GRIA1: variants seen among roughly 807,000 people sequenced by gnomAD.
GRIA1 encodes glutamate receptor 1.
In GRIA1, 31 loss-of-function variants were observed where a neutral mutation model predicts 99.2. That is an observed-to-expected ratio of 0.31 (90% CI 0.23 to 0.42). The LOEUF is 0.42. Ranked by LOEUF, GRIA1 falls within the 10% of genes least tolerant of loss-of-function variation. GRIA1 has a pLI of 1.00. For missense variants in GRIA1, 782 were observed against 1,157.5 expected, an observed-to-expected ratio of 0.68 and a Z score of 4.71; for synonymous variants, 438 against 432.4, an observed-to-expected ratio of 1.01 and a Z score of -0.16.
intron 2 of GRIA1, among the ~76,000 whole-genome samples, chr5:153,562,705 G>C (rs1226459910): frequency 6.6e-6 from 1 of 152,152 alleles, no homozygotes; most frequent in Non-Finnish European, 1.5e-5. Flanking sequence ...GTGAGTGAGT[G>C]AGTGAATGAT....
intron 13 of GRIA1, among the ~76,000 whole-genome samples, chr5:153,775,753 CAAA>C (rs34171571): frequency 4.2e-5 from 5 of 118,528 alleles, no homozygotes; most frequent in Admixed American, 8.7e-5. Flanking sequence ...CAGAAACACT[CAAA>C]AAAAAAAAAA....
chr5:153,606,622 G>A (rs1163136810), intron 2 of GRIA1, among the ~76,000 whole-genome samples: 1 of 151,626 alleles, frequency 6.6e-6, no homozygotes, highest in Non-Finnish European at 1.5e-5. Flanking sequence ...GATTTATTTT[G>A]TAGGTATTCA....
chr5:153,657,979 A>T (rs1236612621), intron 5 of GRIA1, among the ~76,000 whole-genome samples: 1 of 152,112 alleles, frequency 6.6e-6, no homozygotes, highest in Non-Finnish European at 1.5e-5. Context: ...TGACTCCCAG[A>T]TCCTTAGTGC....
chr5:153,674,366 G>C (rs1756414956), intron 5 of GRIA1, 134 bp from the exon 6 acceptor site: 2 of 935,230 alleles, frequency 2.1e-6, no homozygotes, highest in East Asian at 4.8e-5. Flanking sequence ...TCAAAGGAAA[G>C]GAGGCCTAAC....
At chr5:153,689,289 G>A (rs1360240898) in intron 8 of GRIA1, among the ~76,000 whole-genome samples, 1 of 152,148 alleles carries the variant, frequency 6.6e-6, no homozygotes, top group Non-Finnish European at 1.5e-5. Context: ...AAGCAGGCAA[G>A]CCTATTGCTC....
chr5:153,542,933 A>G lies in GRIA1; in HGVS notation c.220+48868A>G, dbSNP rs529448553. Among the ~76,000 whole-genome samples the G allele has an allele frequency of 2.1e-4, 32 of 152,346 alleles. No individual in the cohort carries two copies. In the South Asian group the frequency reaches 6.6e-3, roughly 32 times the overall value. On this transcript the variant is annotated intron_variant, in intron 2 of 15. Transcript: ENST00000285900. ...AAGAACAAGAATGTTATAATCAGAC[A>G]GATATGGGTTGGAACCAGGGTTTGG...
At chr5:153,765,709 A>G (rs1763472582) in intron 12 of GRIA1, among the ~76,000 whole-genome samples, 1 of 152,202 alleles carries the variant, frequency 6.6e-6, no homozygotes, top group Non-Finnish European at 1.5e-5. Context: ...ACTACCATCT[A>G]TGGATCAAAT....
chr5:153,605,859 T>C (rs951652448), intron 2 of GRIA1, among the ~76,000 whole-genome samples: 1 of 152,194 alleles, frequency 6.6e-6, no homozygotes, highest in Non-Finnish European at 1.5e-5. Context: ...CAGTCAAATG[T>C]GTATGTTGCA....
At chr5:153,540,705 T>G (rs1002979813) in intron 2 of GRIA1, among the ~76,000 whole-genome samples, 1 of 151,994 alleles carries the variant, frequency 6.6e-6, no homozygotes, top group African/African-American at 2.4e-5. Context: ...CAATCGCAGA[T>G]GGGGGAAAGT....
intron 2 of GRIA1, among the ~76,000 whole-genome samples, chr5:153,576,548 G>A (rs1371380291): frequency 6.6e-6 from 1 of 152,098 alleles, no homozygotes; most frequent in Non-Finnish European, 1.5e-5. Flanking sequence ...GTTTCCCTGC[G>A]GAGGAGTGGG....
intron 7 of GRIA1, among the ~76,000 whole-genome samples, chr5:153,679,077 T>A (rs1326337805): frequency 1.3e-5 from 2 of 152,200 alleles, no homozygotes; most frequent in African/African-American, 4.8e-5. Context: ...GTTTCCATAG[T>A]CAAAAGAACA....
intron 2 of GRIA1, among the ~76,000 whole-genome samples, chr5:153,531,126 T>C (rs1317737082): frequency 6.6e-6 from 1 of 151,962 alleles, no homozygotes; most frequent in East Asian, 1.9e-4. Flanking sequence ...GGGATAATAG[T>C]GGGGAAAAAT....
chr5:153,796,238 A>G (rs1019343271), intron 14 of GRIA1, among the ~76,000 whole-genome samples: 1 of 152,130 alleles, frequency 6.6e-6, no homozygotes, highest in East Asian at 1.9e-4. Flanking sequence ...TAGAGTTGAA[A>G]GAGAGCCTGC....
rs866440062 is a variant in GRIA1 at position 153,636,795 on chromosome 5, A to C, written c.221-10133A>C. On this transcript the variant is annotated intron_variant, in intron 2 of 15. Transcript: ENST00000285900. ...ATTAAATGAGTAATTCATGTAAGGC[A>C]CTTAGCTTAGTATTTGGCACATAGT... is the stretch of plus-strand genomic sequence containing the variant. Among the ~76,000 whole-genome samples the C allele has an allele frequency of 2.6e-5, 4 of 152,360 alleles. 1 individual carries two copies. The highest frequency in any genetic ancestry group is 6.8e-3 in the Middle Eastern group (2 of 294).
intron 2 of GRIA1, among the ~76,000 whole-genome samples, chr5:153,526,490 T>A (rs886707614): frequency 1.3e-5 from 2 of 152,240 alleles, no homozygotes; most frequent in African/African-American, 4.8e-5. Context: ...ACAACTTACA[T>A]GAAAATATCA....
chr5:153,582,528 A>C (rs1763132676), intron 2 of GRIA1, among the ~76,000 whole-genome samples: 1 of 152,062 alleles, frequency 6.6e-6, no homozygotes, highest in East Asian at 1.9e-4. Context: ...CACCTTGAAG[A>C]CCTTTCTTCT....
intron 2 of GRIA1, among the ~76,000 whole-genome samples, chr5:153,562,462 A>G (rs1230204162): frequency 1.3e-5 from 2 of 152,182 alleles, no homozygotes; most frequent in Non-Finnish European, 2.9e-5. Context: ...TCAAGACTTA[A>G]CAGGTCTTGC....
chr5:153,748,220 G>T (rs977072077), intron 11 of GRIA1, among the ~76,000 whole-genome samples: 1 of 152,178 alleles, frequency 6.6e-6, no homozygotes, highest in Non-Finnish European at 1.5e-5. Flanking sequence ...GGTGATGGAG[G>T]TAATGATACT....
At chr5:153,600,119 C>T (rs1018442658) in intron 2 of GRIA1, among the ~76,000 whole-genome samples, 2 of 151,998 alleles carry the variant, frequency 1.3e-5, no homozygotes, top group Admixed American at 6.6e-5. Flanking sequence ...GGACCCGGCG[C>T]GGTGGCTCAC....
Sources: gnomAD v4.1 joint callset for allele counts (sites outside exome capture counted in the v4.1 genomes callset) on GRCh38, gnomAD v4.1.1 for gene constraint, MANE v1.5 for transcripts, NCBI Gene and HGNC (gene_info 2026-07-23, HGNC 2026-07-21) for gene names.